CDH23: variants seen among roughly 807,000 people sequenced by gnomAD.
The protein encoded by CDH23 is cadherin-23.
A neutral mutation model predicts 317.1 loss-of-function variants in CDH23; 189 were observed. The ratio of observed to expected loss-of-function variants is 0.60; its 90% CI spans 0.53 to 0.67. The LOEUF is 0.67. Among genes scored for constraint, CDH23 ranks in the 30% least tolerant of loss-of-function variants. The pLI is 0.00. For missense variants in CDH23, 4,401 were observed against 4,592.4 expected (o/e 0.96, Z 1.20); for synonymous variants, 1,839 against 1,876.8 (o/e 0.98, Z 0.52).
intron 1 of CDH23, among the ~76,000 whole-genome samples, chr10:71,426,311 A>G (rs1199050161): frequency 1.3e-5 from 2 of 152,176 alleles, no homozygotes; most frequent in Non-Finnish European, 2.9e-5. Flanking sequence ...GGGGGCCAGG[A>G]CTTTCTAAGG....
chr10:71,496,490 T>C (rs375015118), intron 3 of CDH23, among the ~76,000 whole-genome samples: 12 of 152,346 alleles, frequency 7.9e-5, no homozygotes, highest in African/African-American at 2.4e-4. Flanking sequence ...CATTCTTGCC[T>C]GCCCAGTACA....
At chr10:71,600,093 C>G (rs1860120891) in intron 9 of CDH23, among the ~76,000 whole-genome samples, 1 of 150,150 alleles carries the variant, frequency 6.7e-6, no homozygotes, top group South Asian at 2.1e-4. Context: ...ACCTCCGCCT[C>G]CCAGGTTCAA....
intron 48 of CDH23, among the ~76,000 whole-genome samples, chr10:71,793,935 T>C (rs1474684387): frequency 1.3e-5 from 2 of 152,216 alleles, no homozygotes; most frequent in Admixed American, 1.3e-4. Flanking sequence ...TTAAATATGA[T>C]AACATTTTCA....
At chr10:71,771,285 G>T (rs1235972093) in intron 38 of CDH23, among the ~76,000 whole-genome samples, 2 of 152,126 alleles carry the variant, frequency 1.3e-5, no homozygotes, top group Non-Finnish European at 2.9e-5. Flanking sequence ...GGGTATCTTT[G>T]GTGTTTCCTG....
intron 38 of CDH23, among the ~76,000 whole-genome samples, chr10:71,754,111 G>A (rs1840072886): frequency 6.6e-6 from 1 of 152,206 alleles, no homozygotes; most frequent in African/African-American, 2.4e-5. Context: ...CTCTGGGCCA[G>A]CCTTCCACCA....
intron 30 of CDH23, among the ~76,000 whole-genome samples, chr10:71,726,494 C>T (rs1020763224): frequency 6.6e-5 from 10 of 152,218 alleles, no homozygotes; most frequent in Admixed American, 2.6e-4. Context: ...ACACCTCCAA[C>T]GCTTTGCCCC....
intron 9 of CDH23, among the ~76,000 whole-genome samples, chr10:71,588,488 C>A (rs995496975): frequency 2.0e-5 from 3 of 152,072 alleles, no homozygotes; most frequent in Admixed American, 2.0e-4. Flanking sequence ...ACATAGTAGG[C>A]ACACTTTATT....
Position 71,757,839 on chromosome 10 carries a change from G to C in CDH23, c.4845+15918G>C, listed in dbSNP as rs558511717. Among the ~76,000 whole-genome samples the C allele has an allele frequency of 9.8e-5, 15 of 152,312 alleles. No homozygotes were observed. In the East Asian group the frequency reaches 1.9e-3, roughly 20 times the overall value. On this transcript the variant is annotated intron_variant, in intron 38 of 69. Transcript: ENST00000224721. ...GCAGACAGCACATTCTGCTGCGCTG[G>C]GGGGTGGGAAGAAGTTCAAAGGGAG...
At chr10:71,489,935 T>G (rs1852561312) in intron 3 of CDH23, among the ~76,000 whole-genome samples, 1 of 152,156 alleles carries the variant, frequency 6.6e-6, no homozygotes, top group Non-Finnish European at 1.5e-5. Context: ...TTTCTTTCTT[T>G]TTTTTAAAGA....
In CDH23 at chr10:71,784,982, C is replaced by T. The variant is rs1434133180; in HGVS notation, c.5594C>T (p.Pro1865Leu). Residue 1865 changes from proline to leucine, a missense_variant, in exon 43 of 70, where the codon CCT (proline) becomes CTT (leucine). Around this residue, in one of 3 missense-constraint regions of CDH23, gnomAD observed 3,068 missense variants for 3,203.3 expected, o/e 0.96. Transcript: ENST00000224721. ...AACATCACCATCAGCGAGAACAGCC[C>T]TGTCTCCAGCTTTGTCGCCCATGTC... Reference protein sequence around the residue: ...PMNITISENSPVSSFVAHVLA... With the variant: ...PMNITISENSLVSSFVAHVLA... 1.9e-6 allele frequency: 3 copies of T among 1,614,084 alleles called. No homozygotes were observed. Among genetic ancestry groups the T allele is most frequent in the Admixed American group, 3.3e-5 (2 of 60,034 alleles).
intron 14 of CDH23, among the ~76,000 whole-genome samples, chr10:71,650,653 T>G (rs61852011): frequency 0.09 from 13,736 of 152,322 alleles, 801 homozygotes; most frequent in Non-Finnish European, 0.13. Flanking sequence ...CACGTGTGTG[T>G]ACATGTATGT....
chr10:71,522,639 C>T (rs1235342553), intron 6 of CDH23, among the ~76,000 whole-genome samples: 3 of 152,178 alleles, frequency 2.0e-5, no homozygotes, highest in Non-Finnish European at 2.9e-5. Context: ...ATACATTGCA[C>T]GCACCAGGGG....
At chr10:71,412,393 C>T (rs921420847) in intron 1 of CDH23, among the ~76,000 whole-genome samples, 4 of 152,202 alleles carry the variant, frequency 2.6e-5, no homozygotes, top group Non-Finnish European at 5.9e-5. Flanking sequence ...TACTGTTTTC[C>T]ATTGTAGCTG....
At chr10:71,777,408 T>A (rs1331737882) in intron 38 of CDH23, among the ~76,000 whole-genome samples, 1 of 136,762 alleles carries the variant, frequency 7.3e-6, no homozygotes, top group African/African-American at 2.8e-5. Context: ...CCTCAGCAGT[T>A]CTGTGATTGA....
chr10:71,688,550 G>A (rs1481164804), intron 19 of CDH23, among the ~76,000 whole-genome samples: 2 of 147,562 alleles, frequency 1.4e-5, no homozygotes, highest in African/African-American at 2.5e-5. Context: ...GGATGGTGGA[G>A]TCAGGGATGG....
chr10:71,455,980 G>A (rs930844001), intron 3 of CDH23, among the ~76,000 whole-genome samples: 3 of 152,106 alleles, frequency 2.0e-5, no homozygotes, highest in Non-Finnish European at 4.4e-5. Context: ...GAATTCCAGG[G>A]TTTCTGTCCA....
chr10:71,752,944 G>A (rs1398290934), intron 38 of CDH23: 27 of 1,610,776 alleles, frequency 1.7e-5, no homozygotes, highest in Non-Finnish European at 2.1e-5. Flanking sequence ...GGCCCAGGAA[G>A]TTTTCTCAAG....
chr10:71,733,800 C>A (rs535995890), intron 32 of CDH23, among the ~76,000 whole-genome samples: 168 of 152,344 alleles, frequency 1.1e-3, no homozygotes, highest in African/African-American at 3.8e-3. Context: ...TATCAGAATT[C>A]CTTCTTTGAA....
At chr10:71,746,261 G>A (rs1379483930) in intron 38 of CDH23, among the ~76,000 whole-genome samples, 2 of 152,176 alleles carry the variant, frequency 1.3e-5, no homozygotes, top group Non-Finnish European at 2.9e-5. Flanking sequence ...CCCTAAGCAG[G>A]GGGCCTGAGA....
Sources: gnomAD v4.1 joint callset for allele counts (sites outside exome capture counted in the v4.1 genomes callset) on GRCh38, gnomAD v4.1.1 for gene constraint, gnomAD v4.1.1 regional missense constraint, MANE v1.5 for transcripts, NCBI Gene and HGNC (gene_info 2026-07-23, HGNC 2026-07-21) for gene names.